Variants in MPP7 observed in about 807,000 individuals in gnomAD.
MPP7 encodes the protein MAGUK p55 subfamily member 7.
In MPP7, 60 loss-of-function variants were observed where a neutral mutation model predicts 76.5. That is an observed-to-expected ratio of 0.78 (90% CI 0.64 to 0.97). The LOEUF is 0.97. MPP7 is among the 50% of genes least tolerant of loss of function. MPP7 has a pLI of 0.00. For synonymous variants in MPP7, 237 were observed against 244.5 expected, an observed-to-expected ratio of 0.97 and a Z score of 0.29; for missense variants, 641 against 694.0, an observed-to-expected ratio of 0.92 and a Z score of 0.86.
At position 28,131,505 on chromosome 10, in the gene MPP7, C is replaced by A. The variant is rs41467848; in HGVS notation, c.447+55G>T. ...TTTAAAGAGTTATACATGGTATGCA[C>A]CATCAGATTTGGCCCTATCATGGTA... On this transcript the variant is annotated intron_variant, in intron 6 of 16. Transcript: ENST00000683449. The A allele has an allele frequency of 3.2e-3, 4,683 of 1,464,826 alleles. 105 individuals carry two copies. In the African/African-American group the frequency reaches 0.049, roughly 15 times the overall value. The allele number at this position is 1,464,826 out of a possible 1,614,324, so 90.7% of individuals were successfully genotyped here.
At chr10:28,201,339 C>T (rs745325290) in intron 3 of MPP7, among the ~76,000 whole-genome samples, 1 of 152,228 alleles carries the variant, frequency 6.6e-6, no homozygotes, top group East Asian at 1.9e-4. Flanking sequence ...GACAGGCAGC[C>T]ATAACAAAGT....
intron 2 of MPP7, among the ~76,000 whole-genome samples, chr10:28,328,498 A>G (rs142300833): frequency 1.2e-3 from 187 of 152,152 alleles, no homozygotes; most frequent in Admixed American, 0.011. Flanking sequence ...CCAGGTGTCA[A>G]GAGCTTACTC....
chr10:28,064,746 T>C (rs560104743), intron 13 of MPP7, among the ~76,000 whole-genome samples: 66 of 152,330 alleles, frequency 4.3e-4, no homozygotes, highest in African/African-American at 1.3e-3. Context: ...TTTAATACAA[T>C]GCTCAGATCT....
At chr10:28,169,299 T>C (rs1836596183) in intron 3 of MPP7, among the ~76,000 whole-genome samples, 2 of 146,490 alleles carry the variant, frequency 1.4e-5, no homozygotes, top group Admixed American at 1.3e-4. Context: ...AGGACCAGCC[T>C]GAGCAACACA....
chr10:28,163,871 A>C (rs1836349712), intron 3 of MPP7, among the ~76,000 whole-genome samples: 1 of 148,302 alleles, frequency 6.7e-6, no homozygotes, highest in African/African-American at 2.5e-5. Context: ...AGGCCGCGCC[A>C]CTGCACTCCA....
intron 11 of MPP7, among the ~76,000 whole-genome samples, chr10:28,098,330 G>A (rs1853661534): frequency 6.6e-6 from 1 of 151,612 alleles, no homozygotes. Flanking sequence ...AAAAAGACAG[G>A]ATACAATCAT....
At chr10:28,175,924 A>C (rs1295028779) in intron 3 of MPP7, among the ~76,000 whole-genome samples, 1 of 152,202 alleles carries the variant, frequency 6.6e-6, no homozygotes, top group Admixed American at 6.5e-5. Context: ...GGGCAGAGTA[A>C]AAAGTAGAAT....
At chr10:28,250,144 T>C (rs188187555) in intron 1 of MPP7, among the ~76,000 whole-genome samples, 15 of 152,286 alleles carry the variant, frequency 9.8e-5, no homozygotes, top group Non-Finnish European at 1.9e-4. Flanking sequence ...CTAACTTTCC[T>C]GATTTTATTT....
At chr10:28,202,620 A>G (rs977897991) in intron 2 of MPP7, among the ~76,000 whole-genome samples, 1 of 152,214 alleles carries the variant, frequency 6.6e-6, no homozygotes, top group Non-Finnish European at 1.5e-5. Flanking sequence ...AATCTGAGCC[A>G]AAGAGTGAAA....
At chr10:28,240,752 TA>T (rs1483800552) in intron 1 of MPP7, among the ~76,000 whole-genome samples, 3 of 151,984 alleles carry the variant, frequency 2.0e-5, no homozygotes, top group Non-Finnish European at 4.4e-5. Context: ...AAATGTTCCT[TA>T]TATAAAGCAA....
chr10:28,183,582 G>A (rs559065110), intron 3 of MPP7, among the ~76,000 whole-genome samples: 2 of 152,296 alleles, frequency 1.3e-5, no homozygotes, highest in Admixed American at 1.3e-4. Flanking sequence ...GAGCCCAGGA[G>A]TTCAGGAGCA....
At position 28,330,211 on chromosome 10, in the gene MPP7, G is replaced by C. The variant is rs76119898; in HGVS notation, c.-205-209C>G. Among the ~76,000 whole-genome samples, 764 of 152,268 alleles carry C rather than the reference G, an allele frequency of 5.0e-3. 19 individuals carry two copies. The East Asian group carries it at 0.054, about 11-fold the overall frequency. Reference sequence around the variant, plus strand: ...AACTATAAATGCTGAAATAGTTTTTGAAAATGATTTGAAGGCACTGGAGGG... The same window carrying C: ...AACTATAAATGCTGAAATAGTTTTTCAAAATGATTTGAAGGCACTGGAGGG... On this transcript the variant is annotated intron_variant, in intron 1 of 11. Transcript: ENST00000441595.
chr10:28,303,578 T>G (rs898045799), upstream of MPP7: 1 of 152,218 alleles, frequency 6.6e-6, no homozygotes, highest in African/African-American at 2.4e-5. Context: ...AGACATAAGG[T>G]GTTTTCACCT....
intron 2 of MPP7, among the ~76,000 whole-genome samples, chr10:28,207,090 G>C (rs977911600): frequency 1.3e-5 from 2 of 152,012 alleles, no homozygotes; most frequent in African/African-American, 2.4e-5. Context: ...ACCTATAAGA[G>C]ATTTTGTAAG....
Position 28,224,547 on chromosome 10 carries a change from C to T in MPP7, c.37+14021G>A, listed in dbSNP as rs554240367. On this transcript the variant is annotated intron_variant, in intron 2 of 16. Transcript: ENST00000683449. The stretch of plus-strand genomic sequence containing the variant: ...ATTAGTACAAAGCTAAAATTATAAC[C>T]TAATATGTCCTTCATTAAATTAAAA... 2.6e-5 allele frequency among the ~76,000 whole-genome samples: 4 copies of T among 152,254 alleles called. No individual in the cohort carries two copies. In the East Asian group the frequency reaches 7.7e-4, roughly 29 times the overall value.
intron 15 of MPP7, chr10:28,057,601 A>ACC (rs1322961191): frequency 6.6e-6 from 2 of 302,610 alleles, no homozygotes; most frequent in East Asian, 3.3e-4. Context: ...AGCCAATTAA[A>ACC]CCTCTTTTTT....
intron 1 of MPP7, 102 bp from the exon 2 acceptor site, chr10:28,238,837 A>C (rs1262853825): frequency 2.2e-5 from 11 of 493,630 alleles, no homozygotes; most frequent in South Asian, 1.1e-4. Context: ...ACTATTGGAG[A>C]GATCGCAACT....
chr10:28,099,104 A>G (rs1385693895), intron 11 of MPP7, among the ~76,000 whole-genome samples: 1 of 152,204 alleles, frequency 6.6e-6, no homozygotes, highest in Non-Finnish European at 1.5e-5. Context: ...GACCTTTAAG[A>G]TGGCATTTTA....
At chr10:28,203,037 C>T (rs2133989278) in intron 2 of MPP7, 1 of 152,318 alleles carries the variant, frequency 6.6e-6, no homozygotes, top group South Asian at 2.1e-4. Context: ...CACTCCTGTC[C>T]AAGAAATGTT....
Sources: gnomAD v4.1 joint callset for allele counts (sites outside exome capture counted in the v4.1 genomes callset) on GRCh38, gnomAD v4.1.1 for gene constraint, MANE v1.5 for transcripts, NCBI Gene and HGNC (gene_info 2026-07-23, HGNC 2026-07-21) for gene names.